ADAMTS6: variants seen among roughly 807,000 people sequenced by gnomAD.
The protein encoded by ADAMTS6 is ADAM metallopeptidase with thrombospondin type 1 motif 6.
In ADAMTS6, 23 loss-of-function variants were observed where a neutral mutation model predicts 144.3. The ratio of observed to expected loss-of-function variants is 0.16; its 90% CI spans 0.11 to 0.23. The LOEUF is 0.23. Ranked by LOEUF, ADAMTS6 falls within the 10% of genes least tolerant of loss-of-function variation. The pLI, the probability that ADAMTS6 is intolerant of heterozygous loss-of-function variation, is 1.00. For synonymous variants in ADAMTS6, 444 were observed against 457.5 expected (o/e 0.97, Z 0.38); for missense variants, 999 against 1,379.6 (o/e 0.72, Z 4.37).
chr5:65,159,944 A>C (rs1752652350), intron 24 of ADAMTS6, among the ~76,000 whole-genome samples: 1 of 152,242 alleles, frequency 6.6e-6, no homozygotes, highest in Non-Finnish European at 1.5e-5. Context: ...ATTAAAAGTA[A>C]TATAATCTAG....
intron 9 of ADAMTS6, among the ~76,000 whole-genome samples, chr5:65,316,644 C>T (rs1198032747): frequency 6.6e-6 from 1 of 152,082 alleles, no homozygotes. Context: ...AGAAGAATTA[C>T]AAAAGTTGTA....
intron 20 of ADAMTS6, among the ~76,000 whole-genome samples, chr5:65,202,705 C>A (rs1237597097): frequency 2.6e-5 from 4 of 152,174 alleles, no homozygotes; most frequent in Non-Finnish European, 5.9e-5. Flanking sequence ...ATCTGAAGAA[C>A]TCTTTTCATA....
chr5:65,442,017 A>G (rs1425199267), intron 7 of ADAMTS6, among the ~76,000 whole-genome samples: 4 of 151,876 alleles, frequency 2.6e-5, no homozygotes, highest in Admixed American at 1.3e-4. Context: ...AACTTCCGCC[A>G]TAAGGAACCA....
At chr5:65,205,553 C>A (rs1253741922) in intron 20 of ADAMTS6, among the ~76,000 whole-genome samples, 1 of 152,084 alleles carries the variant, frequency 6.6e-6, no homozygotes, top group African/African-American at 2.4e-5. Flanking sequence ...ACTTACTATA[C>A]TTTTAAGTCA....
chr5:65,419,346 T>C (rs1167691506), intron 7 of ADAMTS6, among the ~76,000 whole-genome samples: 2 of 152,116 alleles, frequency 1.3e-5, no homozygotes, highest in East Asian at 1.9e-4. Flanking sequence ...AGCTAAATAT[T>C]GGGTATTTAT....
intron 9 of ADAMTS6, among the ~76,000 whole-genome samples, chr5:65,320,661 T>C (rs1271966453): frequency 1.3e-5 from 2 of 152,032 alleles, no homozygotes; most frequent in Non-Finnish European, 2.9e-5. Context: ...GACTAATACA[T>C]CCAGGTTTAA....
intron 9 of ADAMTS6, among the ~76,000 whole-genome samples, chr5:65,322,386 C>G (rs1561421824): frequency 6.6e-6 from 1 of 152,062 alleles, no homozygotes; most frequent in East Asian, 1.9e-4. Context: ...AATTTTAAAA[C>G]TGTTTTTTCT....
chr5:65,365,117 G>A (rs1750187797), intron 7 of ADAMTS6, among the ~76,000 whole-genome samples: 1 of 152,080 alleles, frequency 6.6e-6, no homozygotes, highest in Admixed American at 6.5e-5. Context: ...ACGGTAAACA[G>A]TATGATGTGG....
At chr5:65,240,278 C>T (rs1384625375) in intron 15 of ADAMTS6, among the ~76,000 whole-genome samples, 2 of 151,810 alleles carry the variant, frequency 1.3e-5, no homozygotes, top group Non-Finnish European at 2.9e-5. Context: ...CTAGAGTGAA[C>T]CACTTCTATA....
intron 22 of ADAMTS6, 29 bp from the exon 23 acceptor site, chr5:65,173,037 A>T: frequency 6.2e-7 from 1 of 1,602,162 alleles, no homozygotes; most frequent in Non-Finnish European, 8.5e-7. Flanking sequence ...GTAATGAATC[A>T]CGACAGTTTA....
In ADAMTS6 at chr5:65,291,386, A is replaced by C; in HGVS notation, c.1455T>G (p.Asp485Glu). 1 of 1,614,094 alleles carries C rather than the reference A, an allele frequency of 6.2e-7. No homozygotes were observed. Among genetic ancestry groups the C allele is most frequent in the Middle Eastern group, 1.6e-4 (1 of 6,062 alleles). ...YPAVAPGQVY[D>E]ADEQCRFQYG... is the part of the protein sequence containing the mutation. ...ACTGGAAACGACATTGCTCATCAGC[A>C]TCATACACCTGACCTGGGGCCACAG... Residue 485 changes from aspartate (D) to glutamate (E), a missense_variant, in exon 11 of 25, where the codon GAT becomes GAG. Asp to Glu is a conservative substitution (Grantham distance 45). Around this residue, in one of 3 missense-constraint regions of ADAMTS6, gnomAD observed 619 missense variants for 837.0 expected, o/e 0.74. Coordinates refer to ENST00000381055, the MANE Select transcript of ADAMTS6 (RefSeq NM_197941.4).
At chr5:65,198,096 C>G (rs753341814) in intron 20 of ADAMTS6, among the ~76,000 whole-genome samples, 2 of 152,110 alleles carry the variant, frequency 1.3e-5, no homozygotes, top group Non-Finnish European at 2.9e-5. Flanking sequence ...AAGAGAAACA[C>G]GTCAAACTAC....
intron 24 of ADAMTS6, among the ~76,000 whole-genome samples, chr5:65,156,022 C>G (rs1454521012): frequency 6.6e-6 from 1 of 152,112 alleles, no homozygotes; most frequent in Non-Finnish European, 1.5e-5. Flanking sequence ...ATTTTAGACA[C>G]ACCAAGAAGT....
chr5:65,225,880 T>C (rs1379020531), intron 16 of ADAMTS6, among the ~76,000 whole-genome samples: 1 of 152,192 alleles, frequency 6.6e-6, no homozygotes, highest in Non-Finnish European at 1.5e-5. Flanking sequence ...ATAACTAGAA[T>C]ACCAGAATAA....
intron 1 of ADAMTS6, 108 bp from the exon 2 acceptor site, chr5:65,474,060 GT>G: frequency 2.7e-6 from 1 of 369,852 alleles, no homozygotes; most frequent in African/African-American, 2.1e-5. Flanking sequence ...AAATAATATA[GT>G]TAAATTAGAC....
chr5:65,329,742 TA>T (rs1244099426), intron 8 of ADAMTS6, among the ~76,000 whole-genome samples: 1 of 152,138 alleles, frequency 6.6e-6, no homozygotes, highest in East Asian at 1.9e-4. Flanking sequence ...TTACTTCTGG[TA>T]ACTTGGGACC....
chr5:65,231,294 T>C (rs1758224981), intron 15 of ADAMTS6, among the ~76,000 whole-genome samples: 2 of 151,878 alleles, frequency 1.3e-5, no homozygotes, highest in African/African-American at 4.8e-5. Context: ...ACAAAGAAAG[T>C]CATTATATAA....
At chr5:65,412,683 G>T (rs1202559627) in intron 7 of ADAMTS6, among the ~76,000 whole-genome samples, 1 of 152,014 alleles carries the variant, frequency 6.6e-6, no homozygotes, top group Non-Finnish European at 1.5e-5. Flanking sequence ...TGACAATTTG[G>T]TTATTAGAAA....
At chr5:65,282,879 C>T (rs940308714) in intron 11 of ADAMTS6, among the ~76,000 whole-genome samples, 6 of 152,042 alleles carry the variant, frequency 3.9e-5, no homozygotes, top group African/African-American at 7.2e-5. Flanking sequence ...TGGGGTCTAA[C>T]GGTTGAGGAG....
Sources: gnomAD v4.1 joint callset for allele counts (sites outside exome capture counted in the v4.1 genomes callset) on GRCh38, gnomAD v4.1.1 for gene constraint, gnomAD v4.1.1 regional missense constraint, MANE v1.5 for transcripts, NCBI Gene and HGNC (gene_info 2026-07-23, HGNC 2026-07-21) for gene names.